SLC29A2: variants seen among roughly 807,000 people sequenced by gnomAD.
SLC29A2 encodes solute carrier family 29 member 2, also known as equilibrative nucleoside transporter 2.
A neutral mutation model predicts 48.8 loss-of-function variants in SLC29A2; 37 were observed. The observed-to-expected ratio is 0.76, with a 90% CI of 0.58 to 1.00. The LOEUF (loss-of-function observed/expected upper bound fraction) is 1.00, where lower values mean the gene tolerates loss of function less well. Ranked by LOEUF, SLC29A2 falls within the 50% of genes least tolerant of loss-of-function variation. The probability of loss-of-function intolerance (pLI) is 0.00; values close to 1 mark genes in which losing one functional copy is unlikely to be tolerated. For synonymous variants in SLC29A2, 233 were observed against 261.7 expected, an observed-to-expected ratio of 0.89 and a Z score of 1.06; for missense variants, 533 against 578.6, an observed-to-expected ratio of 0.92 and a Z score of 0.81.
At chr11:66,369,594 C>T in intron 2 of SLC29A2, 62 bp from the exon 3 acceptor site, 1 of 1,586,456 alleles carries the variant, frequency 6.3e-7, no homozygotes. Flanking sequence ...TGCCTTCCCC[C>T]TCACTTGTGA....
Position 66,364,295 on chromosome 11 carries a change from T to C in SLC29A2, c.1189A>G (p.Ile397Val). 3 of 1,613,646 alleles carry C rather than the reference T, an allele frequency of 1.9e-6. No homozygotes were observed. In the South Asian group the frequency reaches 3.3e-5, roughly 18 times the overall value. ...PILFPQDAYFITFMLLFAVSN... is the reference protein window; with the variant it reads ...PILFPQDAYFVTFMLLFAVSN... The stretch of plus-strand genomic sequence containing the variant: ...ACGGCAAAGAGCAGCATGAAGGTGA[T>C]GAAGTAGGCATCCTGTGGGAAGAGG... Residue 397 changes from isoleucine (I) to valine (V), a missense_variant, in exon 11 of 12, where the codon ATC becomes GTC. Coordinates refer to ENST00000357440, the MANE Select transcript of SLC29A2 (RefSeq NM_001532.3).
At chr11:66,371,508 A>C (rs1856039207) in intron 1 of SLC29A2, 55 bp downstream of exon 1, 14 of 1,544,648 alleles carry the variant, frequency 9.1e-6, no homozygotes, top group Admixed American at 2.0e-5. Context: ...GAGCGCCTTC[A>C]GGGAGCGGGT....
chr11:66,363,300 C>G lies in SLC29A2; in HGVS notation c.*136G>C. ...AAGTGGATGAAGAGCAGCTCCTGCC[C>G]GCTGCTGGCAGCCTCAGGCCCAGGG... On this transcript the variant is annotated 3_prime_UTR_variant, in exon 12 of 12. Transcript: ENST00000357440. The G allele has an allele frequency of 1.4e-6, 1 of 724,846 alleles. No individual in the cohort carries two copies. Among genetic ancestry groups the G allele is most frequent in the Non-Finnish European group, 2.5e-6 (1 of 396,884 alleles). The allele number at this position is 724,846 out of a possible 1,614,324, so 44.9% of individuals were successfully genotyped here.
rs1234371331 is a variant in SLC29A2 at position 66,366,567 on chromosome 11, G to T, written c.734-3C>A. On this transcript the variant is annotated splice_polypyrimidine_tract_variant and splice_region_variant and intron_variant, in intron 7 of 11. Transcript: ENST00000357440. ...ACTACTGGGAATCCCGTTCTCATCT[G>T]GGGTGAGGGGGGACGGGGAAGGGTC... 6.2e-7 allele frequency: 1 copy of T among 1,613,302 alleles called. No homozygotes were observed. Among genetic ancestry groups the T allele is most frequent in the Non-Finnish European group, 8.5e-7 (1 of 1,179,950 alleles).
chr11:66,370,425 A>C (rs774645741), intron 2 of SLC29A2, among the ~76,000 whole-genome samples: 38 of 152,194 alleles, frequency 2.5e-4, no homozygotes, highest in Non-Finnish European at 1.0e-4. Context: ...GCATTTGCAA[A>C]GTTGTTGCAG....
At chr11:66,371,906 C>T (rs946283487), upstream of SLC29A2, 7 of 454,730 alleles carry the variant, frequency 1.5e-5, no homozygotes, top group Admixed American at 4.2e-5. Context: ...CCGCCCGCTC[C>T]CCGCACAGCC....
intron 10 of SLC29A2, 79 bp from the exon 11 acceptor site, chr11:66,364,503 CTTTT>C (rs10605893): frequency 0.011 from 7,316 of 646,666 alleles, no homozygotes; most frequent in Middle Eastern, 0.017. Context: ...CCATAGAGTA[CTTTT>C]TTTTTTTTTT....
At chr11:66,370,470 T>C (rs919237369) in intron 2 of SLC29A2, among the ~76,000 whole-genome samples, 3 of 152,186 alleles carry the variant, frequency 2.0e-5, no homozygotes, top group Admixed American at 2.0e-4. Context: ...CCAAAGACAA[T>C]GCAAACCCCA....
At chr11:66,364,195 A>AC in intron 11 of SLC29A2, 30 bp downstream of exon 11, 24 of 1,412,750 alleles carry the variant, frequency 1.7e-5, no homozygotes, top group Non-Finnish European at 1.8e-5. Flanking sequence ...CCCTACTCCC[A>AC]GCCCCCCACC....
chr11:66,363,564 C>T lies in SLC29A2; in HGVS notation c.1260-17G>A. 1.3e-6 allele frequency: 2 copies of T among 1,589,454 alleles called. No individual in the cohort carries two copies. Among genetic ancestry groups the T allele is most frequent in the South Asian group, 2.2e-5 (2 of 89,140 alleles). On this transcript the variant is annotated splice_polypyrimidine_tract_variant and intron_variant, in intron 11 of 11. Transcript: ENST00000357440. Reference sequence around the variant, plus strand: ...AGCACCTGCCTAGAACACCCGGGAACAGGAGCTCTTAGAAAATGCTGGGTC... The same window carrying T: ...AGCACCTGCCTAGAACACCCGGGAATAGGAGCTCTTAGAAAATGCTGGGTC...
At chr11:66,371,838 C>A, upstream of SLC29A2, 1 of 554,258 alleles carries the variant, frequency 1.8e-6, no homozygotes, top group South Asian at 2.2e-5. Flanking sequence ...CCTTCCCCCA[C>A]CCGCCTCAGG....
At chr11:66,369,301 G>A in intron 3 of SLC29A2, 68 bp downstream of exon 3, 1 of 1,606,940 alleles carries the variant, frequency 6.2e-7, no homozygotes, top group Admixed American at 1.7e-5. Context: ...GGGGGGCAGG[G>A]GGCGCAGGGG....
chr11:66,370,717 C>A (rs1019374534), intron 2 of SLC29A2, among the ~76,000 whole-genome samples: 1 of 152,094 alleles, frequency 6.6e-6, no homozygotes, highest in South Asian at 2.1e-4. Flanking sequence ...AAAATAGCCG[C>A]GCGTGGCGGC....
chr11:66,368,739 C>T (rs1385682290), intron 4 of SLC29A2, 68 bp from the exon 5 acceptor site: 8 of 1,551,970 alleles, frequency 5.2e-6, no homozygotes, highest in African/African-American at 2.7e-5. Context: ...GGAGGAGGTG[C>T]CGGCAGGATA....
At position 66,371,276 on chromosome 11, in the gene SLC29A2, G is replaced by T. The variant is rs374009080; in HGVS notation, c.79C>A (p.Leu27Ile). 2.3e-5 allele frequency: 37 copies of T among 1,613,942 alleles called. No individual in the cohort carries two copies. The highest frequency in any genetic ancestry group is 3.1e-5 in the Non-Finnish European group (37 of 1,180,020). ...SFFILGLGTL[L>I]PWNFFITAIP... is the part of the protein sequence containing the mutation. ...GCGGTGATGAAGAAGTTCCAGGGAAGGAGGGTGCCCAGCCCCAGGATGAAG... is the reference window on the plus strand; with the variant it reads ...GCGGTGATGAAGAAGTTCCAGGGAATGAGGGTGCCCAGCCCCAGGATGAAG... The change falls in exon 2 of 12, where the codon CTT (leucine) becomes ATT (isoleucine). Residue 27 changes from leucine to isoleucine, a missense_variant. Physicochemically the swap from Leu to Ile is conservative, Grantham distance 5. Transcript: ENST00000357440.
intron 10 of SLC29A2, among the ~76,000 whole-genome samples, chr11:66,365,457 A>G (rs929506779): frequency 3.3e-5 from 5 of 152,192 alleles, no homozygotes; most frequent in South Asian, 4.1e-4. Context: ...CAGAGCACCC[A>G]CTGGTGGTTC....
In SLC29A2 at chr11:66,363,409, GCT is replaced by G; in HGVS notation, c.*25_*26del. The G allele has an allele frequency of 2.0e-6, 3 of 1,538,186 alleles. No homozygotes were observed. The South Asian group carries it at 3.4e-5, about 17-fold the overall frequency. On this transcript the variant is annotated 3_prime_UTR_variant, in exon 12 of 12. Coordinates refer to ENST00000357440, the MANE Select transcript of SLC29A2 (RefSeq NM_001532.3). Reference sequence around the variant, plus strand: ...CTCCGGAAGGAGACGTCGAGAAGAGGCTGCCAAAGAGCCTGGAGGGGCCACTT... The same window carrying G: ...CTCCGGAAGGAGACGTCGAGAAGAGGGCCAAAGAGCCTGGAGGGGCCACTT...
rs758723675 is a variant in SLC29A2 at position 66,371,350 on chromosome 11, C to T, written c.30-25G>A. Reference sequence around the variant, plus strand: ...GCTGTGGGGATCGGTGGGAAGGTCACCCCGAGGACGCACCCGCCTCCGCAG... The same window carrying T: ...GCTGTGGGGATCGGTGGGAAGGTCATCCCGAGGACGCACCCGCCTCCGCAG... On this transcript the variant is annotated intron_variant, in intron 1 of 11. Coordinates refer to ENST00000357440, the MANE Select transcript of SLC29A2 (RefSeq NM_001532.3). 5.0e-6 allele frequency: 8 copies of T among 1,610,088 alleles called. No individual in the cohort carries two copies. In the African/African-American group the frequency reaches 9.3e-5, roughly 19 times the overall value.
Position 66,371,687 on chromosome 11 carries a change from G to A in SLC29A2, c.-96C>T. The A allele has an allele frequency of 2.3e-6, 3 of 1,295,176 alleles. No individual in the cohort carries two copies. Among genetic ancestry groups the A allele is most frequent in the Non-Finnish European group, 3.2e-6 (3 of 942,564 alleles). The allele number at this position is 1,295,176 out of a possible 1,614,324, so 80.2% of individuals were successfully genotyped here. Reference sequence around the variant, plus strand: ...GGGCCGCAGACCGGTGGGGCGGGGGGCGGGTCTCCCCAGATTCCGGTGCAG... The same window carrying A: ...GGGCCGCAGACCGGTGGGGCGGGGGACGGGTCTCCCCAGATTCCGGTGCAG... On this transcript the variant is annotated 5_prime_UTR_variant, in exon 1 of 12. Transcript: ENST00000357440.
Sources: gnomAD v4.1 joint callset for allele counts (sites outside exome capture counted in the v4.1 genomes callset) on GRCh38, gnomAD v4.1.1 for gene constraint, MANE v1.5 for transcripts, NCBI Gene and HGNC (gene_info 2026-07-23, HGNC 2026-07-21) for gene names.